Variants in FER observed in about 807,000 individuals in gnomAD.
FER encodes FER tyrosine kinase, also known as tyrosine-protein kinase Fer.
FER carries 63 observed loss-of-function variants against 111.0 expected under a neutral mutation model. That is an observed-to-expected ratio of 0.57 (90% CI 0.46 to 0.70). The LOEUF is 0.70. FER is among the 30% of genes least tolerant of loss of function. FER has a pLI of 0.00. For synonymous variants in FER, 327 were observed against 313.9 expected (o/e 1.04, Z -0.44); for missense variants, 914 against 954.0 (o/e 0.96, Z 0.55).
chr5:109,107,756 G>A (rs1234659877), intron 17 of FER, among the ~76,000 whole-genome samples: 2 of 152,064 alleles, frequency 1.3e-5, no homozygotes, highest in Non-Finnish European at 2.9e-5. Flanking sequence ...TGTTCATTTG[G>A]AGTTTCATTA....
intron 13 of FER, among the ~76,000 whole-genome samples, chr5:108,985,376 G>T (rs772867325): frequency 6.6e-6 from 1 of 151,632 alleles, no homozygotes; most frequent in Non-Finnish European, 1.5e-5. Flanking sequence ...TTGTTTTTTC[G>T]TGCATTTAAC....
intron 1 of FER, among the ~76,000 whole-genome samples, chr5:108,766,688 C>T (rs1580423991): frequency 6.6e-6 from 1 of 152,086 alleles, no homozygotes; most frequent in East Asian, 1.9e-4. Flanking sequence ...GAGGAATAAT[C>T]TTGTTGGTAA....
chr5:108,795,478 A>T (rs1213237703), intron 2 of FER, among the ~76,000 whole-genome samples: 1 of 151,520 alleles, frequency 6.6e-6, no homozygotes. Context: ...CCTGTCTGAA[A>T]AAAAAGAAAA....
intron 10 of FER, among the ~76,000 whole-genome samples, chr5:108,917,387 A>G (rs1209984385): frequency 6.6e-6 from 1 of 152,202 alleles, no homozygotes; most frequent in Non-Finnish European, 1.5e-5. Flanking sequence ...TAAAACAAGC[A>G]TGGACTAGTC....
In FER at chr5:108,826,078, T is replaced by C. The variant is rs550217081; in HGVS notation, c.208-6692T>C. On this transcript the variant is annotated intron_variant, in intron 3 of 19. Transcript: ENST00000281092. ...AGCTGTGAGCTTGCCATATCTAGCC[T>C]TTATTATGTTGAGATACATTGATTC... 6.6e-4 allele frequency among the ~76,000 whole-genome samples: 101 copies of C among 152,332 alleles called. 3 individuals carry two copies. The South Asian group carries it at 0.02, about 30-fold the overall frequency.
chr5:109,059,615 A>T (rs1774122607), intron 16 of FER, among the ~76,000 whole-genome samples: 2 of 152,306 alleles, frequency 1.3e-5, no homozygotes, highest in East Asian at 3.9e-4. Context: ...TTATTTCAAC[A>T]TGTAATGACA....
At chr5:108,953,374 GACTT>G (rs1165203854) in intron 11 of FER, among the ~76,000 whole-genome samples, 1 of 151,736 alleles carries the variant, frequency 6.6e-6, no homozygotes, top group East Asian at 1.9e-4. Context: ...AAAATTAAAA[GACTT>G]AGTTTACCAA....
At chr5:109,146,258 A>ATATATATATATATATATATATATATG (rs1157954988) in intron 17 of FER, among the ~76,000 whole-genome samples, 4 of 64,196 alleles carry the variant, frequency 6.2e-5, no homozygotes, top group African/African-American at 2.5e-4. Flanking sequence ...TATCTAATAT[A>ATATATATATATATATATATATATATG]TATATATATA....
At chr5:108,756,525 C>T (rs1181206792) in intron 1 of FER, among the ~76,000 whole-genome samples, 2 of 151,780 alleles carry the variant, frequency 1.3e-5, no homozygotes. Flanking sequence ...AATAAATTTG[C>T]TATAGGAGAG....
intron 17 of FER, among the ~76,000 whole-genome samples, chr5:109,123,463 T>G (rs1217841133): frequency 6.6e-6 from 1 of 151,872 alleles, no homozygotes; most frequent in Admixed American, 6.6e-5. Context: ...CCTTGTTTTT[T>G]TGTTGGTTTT....
Position 108,897,760 on chromosome 5 carries a change from T to A in FER, c.1148T>A (p.Leu383Ter). 1 of 1,613,620 alleles carries A rather than the reference T, an allele frequency of 6.2e-7. No homozygotes were observed. The highest frequency in any genetic ancestry group is 1.7e-4 in the Middle Eastern group (1 of 6,060). The change falls in exon 10 of 20, where the codon TTA (leucine) becomes TAA (stop). Residue 383 changes from leucine to a stop codon, truncating the protein, a stop_gained. Transcript: ENST00000281092. LOFTEE classifies it high-confidence loss of function. ...GCAAAGTTTTCAGCACAGAAGGAAT[T>A]ACTAGAGCAAAAAGTGCAAGAAAAT... The part of the protein sequence containing the change: ...TEAKFSAQKE[L>*]LEQKVQENDG...
At chr5:108,841,737 TC>T in intron 5 of FER, 1 of 285,478 alleles carries the variant, frequency 3.5e-6, no homozygotes, top group South Asian at 3.3e-5. Context: ...TTTTGTACCA[TC>T]AGGTGAGAGT....
At chr5:109,071,030 G>A (rs1775705348) in intron 16 of FER, among the ~76,000 whole-genome samples, 1 of 151,946 alleles carries the variant, frequency 6.6e-6, no homozygotes, top group Non-Finnish European at 1.5e-5. Context: ...TTCTATAATT[G>A]TGAATGTTCC....
chr5:109,158,067 A>G (rs1450459302), intron 17 of FER, among the ~76,000 whole-genome samples: 2 of 152,004 alleles, frequency 1.3e-5, no homozygotes, highest in Non-Finnish European at 1.5e-5. Context: ...AAAGAAAAAA[A>G]AACAGGCGTG....
chr5:109,083,186 G>A (rs748817900), intron 16 of FER, among the ~76,000 whole-genome samples: 4 of 151,970 alleles, frequency 2.6e-5, no homozygotes, highest in Non-Finnish European at 1.5e-5. Context: ...ACTTGAGAAA[G>A]CTCTTCATTT....
intron 17 of FER, among the ~76,000 whole-genome samples, chr5:109,104,630 G>A (rs1190334265): frequency 6.6e-6 from 1 of 151,936 alleles, no homozygotes; most frequent in African/African-American, 2.4e-5. Context: ...CTTAATTGTG[G>A]ACATTTTGTT....
intron 15 of FER, among the ~76,000 whole-genome samples, chr5:109,045,033 T>A (rs2149903993): frequency 6.6e-6 from 1 of 152,166 alleles, no homozygotes; most frequent in Admixed American, 6.5e-5. Context: ...GATATTTTGC[T>A]TTCATCACAC....
At chr5:108,849,536 A>G (rs988496513) in intron 5 of FER, among the ~76,000 whole-genome samples, 1 of 151,960 alleles carries the variant, frequency 6.6e-6, no homozygotes, top group African/African-American at 2.4e-5. Context: ...CTCCTCAAGT[A>G]TGATTTGGGT....
chr5:108,922,652 T>A (rs1451601112), intron 10 of FER, among the ~76,000 whole-genome samples: 1 of 152,058 alleles, frequency 6.6e-6, no homozygotes, highest in Non-Finnish European at 1.5e-5. Flanking sequence ...AATCAGGGAA[T>A]AAAATATAGG....
Sources: allele counts gnomAD v4.1 joint callset (sites outside exome capture counted in the v4.1 genomes callset), GRCh38; gene constraint gnomAD v4.1.1; transcripts MANE v1.5; gene names NCBI Gene and HGNC (gene_info 2026-07-23, HGNC 2026-07-21).